The following CCND1 variants were observed in gnomAD, a reference collection of about 807,000 sequenced individuals.
CCND1 encodes the protein G1/S-specific cyclin-D1.
A neutral mutation model predicts 26.1 loss-of-function variants in CCND1; 9 were observed. The observed-to-expected ratio is 0.35, with a 90% CI of 0.21 to 0.60. CCND1 has a LOEUF of 0.60. Ranked by LOEUF, CCND1 falls within the 20% of genes least tolerant of loss-of-function variation. CCND1 has a pLI of 0.79. For synonymous variants in CCND1, 194 were observed against 166.1 expected (o/e 1.17, Z -1.29); for missense variants, 335 against 392.9 (o/e 0.85, Z 1.25).
Position 69,653,296 on chromosome 11 carries a change from G to A in CCND1, c.*2014G>A. ...TTGGAAATATTCACATCGCTTCTGT[G>A]TATCTCTTTCACATTGTTTGCTGCT... On this transcript the variant is annotated 3_prime_UTR_variant, in exon 5 of 5. Coordinates refer to ENST00000227507, the MANE Select transcript of CCND1 (RefSeq NM_053056.3). The A allele has an allele frequency of 1.4e-6, 1 of 702,688 alleles. No homozygotes were observed. The highest frequency in any genetic ancestry group is 2.6e-6 in the Non-Finnish European group (1 of 384,926). 43.5% of individuals were successfully genotyped at this position (702,688 alleles called of 1,614,324 possible). A position where few individuals can be genotyped will look rare whatever the true frequency, so the allele number is the denominator to read the frequency against.
chr11:69,649,353 G>A (rs904140026), intron 4 of CCND1, among the ~76,000 whole-genome samples: 16 of 152,184 alleles, frequency 1.1e-4, no homozygotes, highest in Admixed American at 4.6e-4. Flanking sequence ...GAAGTTGGGC[G>A]CTGGCCCTTA....
At position 69,652,669 on chromosome 11, in the gene CCND1, C is replaced by CT. The variant is rs1855868868; in HGVS notation, c.*1388dup. 4.3e-6 allele frequency: 1 copy of CT among 233,078 alleles called. No homozygotes were observed. The highest frequency in any genetic ancestry group is 8.5e-6 in the Non-Finnish European group (1 of 118,058). 14.4% of individuals were successfully genotyped at this position (233,078 alleles called of 1,614,324 possible). A position where few individuals can be genotyped will look rare whatever the true frequency, so the allele number is the denominator to read the frequency against. On this transcript the variant is annotated 3_prime_UTR_variant, in exon 5 of 5. Coordinates refer to ENST00000227507, the MANE Select transcript of CCND1 (RefSeq NM_053056.3). ...TTTCACACCGGAAGGTTTTTAAACA[C>CT]TAAAATATATAATTTATAGTTAAGG... is the stretch of plus-strand genomic sequence containing the variant.
At chr11:69,643,309 G>A in intron 2 of CCND1, 63 bp downstream of exon 2, 2 of 1,373,434 alleles carry the variant, frequency 1.5e-6, no homozygotes, top group Admixed American at 2.0e-5. Context: ...ACGGGGCCGG[G>A]GAAGGTGCAG....
intron 1 of CCND1, among the ~76,000 whole-genome samples, chr11:69,641,985 T>G (rs1233762099): frequency 7.2e-6 from 1 of 139,840 alleles, no homozygotes. Flanking sequence ...GCTCTTTTAT[T>G]GCAAAGCAAA....
intron 3 of CCND1, among the ~76,000 whole-genome samples, chr11:69,645,659 T>A (rs1020663501): frequency 6.6e-6 from 1 of 152,220 alleles, no homozygotes; most frequent in Non-Finnish European, 1.5e-5. Flanking sequence ...GCCTTGTTCC[T>A]GCTGGACATC....
Position 69,641,231 on chromosome 11 carries a change from C to G in CCND1, c.-83C>G. 1.5e-6 allele frequency: 2 copies of G among 1,335,462 alleles called. No homozygotes were observed. The highest frequency in any genetic ancestry group is 2.1e-6 in the Non-Finnish European group (2 of 944,126). The allele number at this position is 1,335,462 out of a possible 1,614,324, so 82.7% of individuals were successfully genotyped here. ...CGAGGGGCAGAAGAGCGCGAGGGAGCGCGGGGCAGCAGAAGCGAGAGCCGA... is the reference window on the plus strand; with the variant it reads ...CGAGGGGCAGAAGAGCGCGAGGGAGGGCGGGGCAGCAGAAGCGAGAGCCGA... On this transcript the variant is annotated 5_prime_UTR_variant, in exon 1 of 5. Transcript: ENST00000227507.
chr11:69,647,238 G>A (rs181982114), intron 3 of CCND1, among the ~76,000 whole-genome samples: 1 of 152,360 alleles, frequency 6.6e-6, no homozygotes, highest in Non-Finnish European at 1.5e-5. Context: ...TGTGAGTAGA[G>A]GGCCCGGGTG....
Position 69,641,370 on chromosome 11 carries a change from T to C in CCND1, c.57T>C (p.Asp19=), listed in dbSNP as rs1417631865. 6.2e-7 allele frequency: 1 copy of C among 1,613,310 alleles called. No homozygotes were observed. Among genetic ancestry groups the C allele is most frequent in the South Asian group, 1.1e-5 (1 of 91,074 alleles). Residue 19 remains aspartate (D), a synonymous_variant, in exon 1 of 5, where the codon GAT becomes GAC. Coordinates refer to ENST00000227507, the MANE Select transcript of CCND1 (RefSeq NM_053056.3). ...EVETIRRAYP[D]ANLLNDRVLR... Reference sequence around the variant, plus strand: ...AAACCATCCGCCGCGCGTACCCCGATGCCAACCTCCTCAACGACCGGGTGC... The same window carrying C: ...AAACCATCCGCCGCGCGTACCCCGACGCCAACCTCCTCAACGACCGGGTGC...
chr11:69,645,888 C>T (rs1020379232), intron 3 of CCND1, among the ~76,000 whole-genome samples: 5 of 152,216 alleles, frequency 3.3e-5, no homozygotes, highest in Non-Finnish European at 7.3e-5. Context: ...GGTTTCAGGG[C>T]AGGTGCGCCC....
chr11:69,642,023 TG>T (rs1344713871), intron 1 of CCND1, among the ~76,000 whole-genome samples: 1 of 34,098 alleles, frequency 2.9e-5, no homozygotes, highest in Non-Finnish European at 6.0e-5. Context: ...GGGGGCAGGG[TG>T]GGGGCGGGGA....
chr11:69,648,364 G>A (rs530737857), intron 4 of CCND1: 232 of 556,250 alleles, frequency 4.2e-4, no homozygotes, highest in Admixed American at 2.3e-3. Context: ...GCCTTCTCAC[G>A]TCCCCTGGGG....
intron 3 of CCND1, among the ~76,000 whole-genome samples, chr11:69,647,593 A>G (rs1855799320): frequency 6.6e-6 from 1 of 152,236 alleles, no homozygotes; most frequent in Non-Finnish European, 1.5e-5. Flanking sequence ...GGTTAGGGTC[A>G]TAGAAGCGAC....
Position 69,651,432 on chromosome 11 carries a change from C to T in CCND1, c.*150C>T. On this transcript the variant is annotated 3_prime_UTR_variant, in exon 5 of 5. Transcript: ENST00000227507. ...GTTGTTGGTTGTTTTTTCCTTTGCT[C>T]TTTCCCCCTTCCATCTCTGACTTAA... 1.6e-6 allele frequency: 1 copy of T among 621,494 alleles called. No homozygotes were observed. Among genetic ancestry groups the T allele is most frequent in the Non-Finnish European group, 2.5e-6 (1 of 406,740 alleles). 38.5% of individuals were successfully genotyped at this position (621,494 alleles called of 1,614,324 possible).
Sources: gnomAD v4.1 joint callset for allele counts (sites outside exome capture counted in the v4.1 genomes callset) on GRCh38, gnomAD v4.1.1 for gene constraint, MANE v1.5 for transcripts, NCBI Gene and HGNC (gene_info 2026-07-23, HGNC 2026-07-21) for gene names.